Variants in WWOX observed in about 807,000 individuals in gnomAD.
WWOX encodes WW domain-containing oxidoreductase.
A neutral mutation model predicts 46.2 loss-of-function variants in WWOX; 69 were observed. That is an observed-to-expected ratio of 1.49 (90% CI 1.23 to 1.82). The LOEUF (loss-of-function observed/expected upper bound fraction) is 1.82, where lower values mean the gene tolerates loss of function less well. Among genes scored for constraint, WWOX ranks in the 40% most tolerant of loss-of-function variants. The pLI is 0.00. For synonymous variants in WWOX, 359 were observed against 202.6 expected, an observed-to-expected ratio of 1.77 and a Z score of -6.56; for missense variants, 919 against 542.6, an observed-to-expected ratio of 1.69 and a Z score of -6.89.
rs138806967 is a variant in WWOX, at chr16:78,594,429, G to GCCCCCCCCCCCC, written c.1056+161682_1056+161693dup. ...TCTTGACGAAGAAGACTGAGGAAAG[G>GCCCCCCCCCCCC]CCCCCCCCCCCCCCCCGCCAAATTG... On this transcript the variant is annotated intron_variant, in intron 8 of 8. Transcript: ENST00000566780. Among the ~76,000 whole-genome samples the GCCCCCCCCCCCC allele has an allele frequency of 4.2e-3, 135 of 32,390 alleles. 10 individuals carry two copies. Among genetic ancestry groups the GCCCCCCCCCCCC allele is most frequent in the Admixed American group, 0.01 (17 of 1,624 alleles). 21.2% of individuals were successfully genotyped at this position (32,390 alleles called of 152,430 possible).
At chr16:78,152,341 C>T (rs560262779) in intron 4 of WWOX, among the ~76,000 whole-genome samples, 3 of 152,212 alleles carry the variant, frequency 2.0e-5, no homozygotes, top group East Asian at 3.9e-4. Context: ...TGGTTGATTG[C>T]AGTCTGTCGT....
chr16:78,515,087 G>T (rs537950436), intron 8 of WWOX, among the ~76,000 whole-genome samples: 93 of 152,208 alleles, frequency 6.1e-4, no homozygotes, highest in Admixed American at 8.5e-4. Context: ...AGCTGAACCT[G>T]GTGGTTCACG....
chr16:79,135,770 A>T (rs2049970910), intron 8 of WWOX, among the ~76,000 whole-genome samples: 1 of 152,134 alleles, frequency 6.6e-6, no homozygotes, highest in Non-Finnish European at 1.5e-5. Flanking sequence ...GTGTAAAAAA[A>T]ATCCTCACCA....
intron 8 of WWOX, among the ~76,000 whole-genome samples, chr16:78,965,469 C>G (rs2046347449): frequency 6.6e-6 from 1 of 151,772 alleles, no homozygotes; most frequent in Non-Finnish European, 1.5e-5. Flanking sequence ...ACTTGGGAGG[C>G]TGAGGCAGGA....
chr16:78,753,801 C>CAAAAAA (rs869066028), intron 8 of WWOX, among the ~76,000 whole-genome samples: 15 of 29,140 alleles, frequency 5.1e-4, no homozygotes, highest in African/African-American at 5.7e-4. Flanking sequence ...GACCCTATAT[C>CAAAAAA]AAAAAAAAAA....
intron 8 of WWOX, among the ~76,000 whole-genome samples, chr16:78,761,644 C>T (rs539154087): frequency 6.6e-6 from 1 of 152,240 alleles, no homozygotes; most frequent in East Asian, 1.9e-4. Flanking sequence ...TTCTTTGTGA[C>T]ATCTGGGCCA....
chr16:78,300,003 A>G (rs2080012041), intron 5 of WWOX, among the ~76,000 whole-genome samples: 1 of 152,166 alleles, frequency 6.6e-6, no homozygotes, highest in South Asian at 2.1e-4. Flanking sequence ...TTCATCTGTA[A>G]CAGCTGCCTA....
At chr16:78,763,857 G>A (rs2049857543) in intron 8 of WWOX, among the ~76,000 whole-genome samples, 1 of 152,122 alleles carries the variant, frequency 6.6e-6, no homozygotes, top group African/African-American at 2.4e-5. Flanking sequence ...TAATTGCCCT[G>A]CAGAGTTTTT....
chr16:78,794,291 C>T (rs187024305), intron 8 of WWOX, among the ~76,000 whole-genome samples: 4 of 152,148 alleles, frequency 2.6e-5, no homozygotes, highest in African/African-American at 9.7e-5. Context: ...TCCCAGCTTC[C>T]AGAACCATGA....
intron 5 of WWOX, among the ~76,000 whole-genome samples, chr16:78,215,620 T>C (rs908572931): frequency 1.3e-5 from 2 of 152,174 alleles, no homozygotes; most frequent in African/African-American, 4.8e-5. Flanking sequence ...AGTATCTTCA[T>C]AGCAGTGCAA....
At chr16:78,416,143 G>A (rs1422436754) in intron 6 of WWOX, among the ~76,000 whole-genome samples, 1 of 152,210 alleles carries the variant, frequency 6.6e-6, no homozygotes, top group Non-Finnish European at 1.5e-5. Flanking sequence ...ATGCTGACTA[G>A]TAACATCAGT....
chr16:78,693,293 G>T (rs920482288), intron 8 of WWOX, among the ~76,000 whole-genome samples: 2 of 151,988 alleles, frequency 1.3e-5, no homozygotes, highest in African/African-American at 4.8e-5. Flanking sequence ...AATGCTTCCC[G>T]TCCCCACCAC....
At chr16:78,262,772 G>A (rs1379439396) in intron 5 of WWOX, among the ~76,000 whole-genome samples, 2 of 152,262 alleles carry the variant, frequency 1.3e-5, no homozygotes, top group East Asian at 1.9e-4. Context: ...CTAAGACTCG[G>A]ATCTTTAAAT....
At chr16:78,710,482 A>ATATATATATATATATATATT (rs1567507524) in intron 8 of WWOX, among the ~76,000 whole-genome samples, 1 of 128,340 alleles carries the variant, frequency 7.8e-6, no homozygotes, top group Non-Finnish European at 1.6e-5. Context: ...TCATATATAT[A>ATATATATATATATATATATT]TATATATATA....
intron 6 of WWOX, among the ~76,000 whole-genome samples, chr16:78,390,931 A>G (rs966178065): frequency 6.6e-6 from 1 of 152,202 alleles, no homozygotes; most frequent in African/African-American, 2.4e-5. Flanking sequence ...CAAAGCCTGT[A>G]TGTGATCAAG....
intron 8 of WWOX, among the ~76,000 whole-genome samples, chr16:79,002,371 A>G (rs1417006862): frequency 1.3e-5 from 2 of 151,752 alleles, no homozygotes; most frequent in Non-Finnish European, 2.9e-5. Context: ...TAACAGGTGC[A>G]CACCACCATG....
At chr16:78,695,009 G>A (rs1013451961) in intron 8 of WWOX, among the ~76,000 whole-genome samples, 1 of 152,080 alleles carries the variant, frequency 6.6e-6, no homozygotes, top group Non-Finnish European at 1.5e-5. Context: ...TAAACACAGG[G>A]AATAGATGAA....
chr16:78,478,359 C>G (rs759419480), intron 8 of WWOX, among the ~76,000 whole-genome samples: 5 of 152,132 alleles, frequency 3.3e-5, no homozygotes, highest in Non-Finnish European at 5.9e-5. Flanking sequence ...ATGTAAATAA[C>G]TGAGCTCATT....
At chr16:79,054,246 C>A (rs559947050) in intron 8 of WWOX, among the ~76,000 whole-genome samples, 2 of 152,280 alleles carry the variant, frequency 1.3e-5, no homozygotes, top group South Asian at 4.1e-4. Flanking sequence ...TAAAAGGATT[C>A]ATCAAGTGTC....
Sources: allele counts gnomAD v4.1 joint callset (sites outside exome capture counted in the v4.1 genomes callset), GRCh38; gene constraint gnomAD v4.1.1; transcripts MANE v1.5; gene names NCBI Gene and HGNC (gene_info 2026-07-23, HGNC 2026-07-21).